The following SARS2 variants were observed in gnomAD, a reference collection of about 807,000 sequenced individuals.
The protein encoded by SARS2 is serine--tRNA ligase, mitochondrial.
SARS2 carries 52 observed loss-of-function variants against 66.8 expected under a neutral mutation model. The ratio of observed to expected loss-of-function variants is 0.78; its 90% CI spans 0.62 to 0.98. SARS2 has a LOEUF of 0.98. SARS2 is among the 50% of genes least tolerant of loss of function. The pLI is 0.00. For missense variants in SARS2, 673 were observed against 706.3 expected (o/e 0.95, Z 0.53); for synonymous variants, 306 against 281.4 (o/e 1.09, Z -0.87).
intron 5 of SARS2, among the ~76,000 whole-genome samples, chr19:38,920,497 T>C (rs1974501155): frequency 6.6e-6 from 1 of 151,116 alleles, no homozygotes; most frequent in Non-Finnish European, 1.5e-5. Context: ...GGCACAGAGT[T>C]GGGGAGAAAA....
At chr19:38,922,718 T>C (rs1974559706) in intron 2 of SARS2, among the ~76,000 whole-genome samples, 1 of 152,148 alleles carries the variant, frequency 6.6e-6, no homozygotes. Flanking sequence ...TAGTGAGTTC[T>C]CACGAGATCT....
intron 8 of SARS2, 41 bp from the exon 9 acceptor site, chr19:38,918,571 A>G: frequency 2.0e-6 from 3 of 1,514,662 alleles, no homozygotes; most frequent in Non-Finnish European, 2.8e-6. Flanking sequence ...GGGGACAGGT[A>G]ACCCTGGCCT....
At chr19:38,918,894 G>A in intron 7 of SARS2, 81 bp from the exon 8 acceptor site, 4 of 1,404,682 alleles carry the variant, frequency 2.8e-6, no homozygotes, top group Non-Finnish European at 3.9e-6. Context: ...GGGTGCTGCA[G>A]AGCCCCTTCC....
In SARS2 at chr19:38,916,303, A is replaced by G. The variant is rs1974416855; in HGVS notation, c.1172T>C (p.Met391Thr). The change falls in exon 13 of 16, where the codon ATG becomes ACG. Residue 391 changes from methionine to threonine, a missense_variant. Met to Thr is a moderately conservative substitution (Grantham distance 81). Transcript: ENST00000221431. The part of the protein sequence containing the change: ...ELGLHFRVLD[M>T]PTQELGLPAY... Reference sequence around the variant, plus strand: ...GGGGAGGCCCAGTTCTTGGGTGGGCATATCCAGGACCCTGCGGTCAAGGAC... The same window carrying G: ...GGGGAGGCCCAGTTCTTGGGTGGGCGTATCCAGGACCCTGCGGTCAAGGAC... 6.2e-7 allele frequency: 1 copy of G among 1,614,054 alleles called. No homozygotes were observed. The highest frequency in any genetic ancestry group is 8.5e-7 in the Non-Finnish European group (1 of 1,179,926).
rs149995710 is a variant in SARS2, at chr19:38,925,944, G to C, written c.363+261C>G. 4.3e-3 allele frequency among the ~76,000 whole-genome samples: 650 copies of C among 152,258 alleles called. 3 individuals carry two copies. Among genetic ancestry groups the C allele is most frequent in the African/African-American group, 0.015 (615 of 41,532 alleles). On this transcript the variant is annotated intron_variant, in intron 2 of 15. Coordinates refer to ENST00000221431, the MANE Select transcript of SARS2 (RefSeq NM_017827.4). ...CGATTCTCCTGCCTCAGCCTCCCAA[G>C]TACCTGGGATTACAGGTGTCCACCG...
At position 38,919,819 on chromosome 19, in the gene SARS2, A is replaced by T. The variant is rs770740259; in HGVS notation, c.702T>A (p.Ala234=). 1 of 1,614,200 alleles carries T rather than the reference A, an allele frequency of 6.2e-7. No individual in the cohort carries two copies. Among genetic ancestry groups the T allele is most frequent in the Non-Finnish European group, 8.5e-7 (1 of 1,180,036 alleles). The part of the protein sequence containing the change: ...SGHRSYYLRG[A]GALLQHGLVN... ...CCAGGCCGTGCTGCAGGAGGGCTCC[A>T]GCCCCGCGCAGGTAATAGGACCGGT... Residue 234 remains alanine (A), a synonymous_variant, in exon 7 of 16, where the codon GCT becomes GCA. Transcript: ENST00000221431.
At chr19:38,921,925 C>G in intron 3 of SARS2, 2 of 1,513,436 alleles carry the variant, frequency 1.3e-6, no homozygotes, top group East Asian at 2.5e-5. Flanking sequence ...CTGATGTCAG[C>G]TGAACTCATG....
intron 1 of SARS2, 119 bp downstream of exon 1, chr19:38,930,351 A>T (rs1974712293): frequency 7.5e-7 from 1 of 1,339,344 alleles, no homozygotes; most frequent in Non-Finnish European, 1.0e-6. Flanking sequence ...ACGTTGGCTA[A>T]CTTGGGAAAT....
rs946906198 is a variant in SARS2, at chr19:38,930,657, T to C, written c.80A>G (p.Asn27Ser). The part of the protein sequence containing the change: ...GFRPRGGCIS[N>S]DSPRRSFTTE... ...AGTGAAACTTCTCCTTGGACTATCG[T>C]TGGAGATGCAGCCTCCCCGGGGCCG... The change falls in exon 1 of 16, where the codon AAC (asparagine) becomes AGC (serine). Residue 27 changes from asparagine to serine, a missense_variant. Transcript: ENST00000221431. The C allele has an allele frequency of 7.4e-6, 12 of 1,614,048 alleles. No homozygotes were observed. Among genetic ancestry groups the C allele is most frequent in the East Asian group, 4.5e-5 (2 of 44,868 alleles).
At chr19:38,917,680 T>TTACCAGGCCCCCC in intron 12 of SARS2, 44 bp downstream of exon 12, 1 of 616,934 alleles carries the variant, frequency 1.6e-6, no homozygotes. Context: ...GTCCCTCCCC[T>TTACCAGGCCCCCC]ACCCCACCCC....
chr19:38,916,662 C>T (rs934607193), intron 12 of SARS2, among the ~76,000 whole-genome samples: 12 of 115,826 alleles, frequency 1.0e-4, no homozygotes, highest in African/African-American at 5.2e-4. Flanking sequence ...TAGGCACCCT[C>T]GGTTTTTTTT....
At chr19:38,927,937 G>A (rs1276949770) in intron 1 of SARS2, among the ~76,000 whole-genome samples, 2 of 152,172 alleles carry the variant, frequency 1.3e-5, no homozygotes, top group African/African-American at 4.8e-5. Flanking sequence ...GGAGGCCAAG[G>A]CAGGAGAATT....
chr19:38,920,668 GAC>G (rs375640839), intron 5 of SARS2, among the ~76,000 whole-genome samples: 36 of 150,500 alleles, frequency 2.4e-4, no homozygotes, highest in African/African-American at 8.4e-4. Context: ...GACACGCAGA[GAC>G]AGACACACAG....
chr19:38,918,429 C>T lies in SARS2; in HGVS notation c.909G>A (p.Gly303=), dbSNP rs761081540. ...DLNLAGTAEV[G]LAGYFMDHTV... ...ACCCACACAGGTCCTCACCTGCAAG[C>T]CCCACCTCCGCTGTTCCAGCCAGGT... is the stretch of plus-strand genomic sequence containing the variant. The change falls in exon 9 of 16, where the codon GGG becomes GGA. Residue 303 remains glycine (G), a synonymous_variant. Transcript: ENST00000221431. The T allele has an allele frequency of 6.2e-7, 1 of 1,613,738 alleles. No individual in the cohort carries two copies. The highest frequency in any genetic ancestry group is 1.7e-5 in the Admixed American group (1 of 60,038).
chr19:38,921,237 G>A (rs1182873753), intron 5 of SARS2, among the ~76,000 whole-genome samples, 155 bp downstream of exon 5: 1 of 152,196 alleles, frequency 6.6e-6, no homozygotes, highest in Non-Finnish European at 1.5e-5. Flanking sequence ...GACAGCTCGA[G>A]CTCGGCCAAG....
In SARS2 at chr19:38,920,131, C is replaced by T. The variant is rs371017861; in HGVS notation, c.608G>A (p.Arg203Gln). 9.6e-6 allele frequency: 15 copies of T among 1,560,888 alleles called. No individual in the cohort carries two copies. In the Admixed American group the frequency reaches 9.6e-5, roughly 10 times the overall value. ...TTTCTCGCCAATTTCCAGGTGGCCC[C>T]GAGGTTGGAAGGAGAAAACTGGATG... ...GDKPVFSFQP[R>Q]GHLEIGEKLD... Residue 203 changes from arginine (R) to glutamine (Q), a missense_variant, in exon 6 of 16, where the codon CGG (arginine) becomes CAG (glutamine). By Grantham distance (43) the Arg-to-Gln change is conservative. Transcript: ENST00000221431.
intron 7 of SARS2, among the ~76,000 whole-genome samples, chr19:38,919,292 A>C (rs1256258114): frequency 2.6e-5 from 4 of 152,292 alleles, no homozygotes; most frequent in African/African-American, 7.2e-5. Context: ...GTCTCAAAAA[A>C]CAAAAAAGTA....
rs755314317 is a variant in SARS2 at position 38,920,932 on chromosome 19, CACAT to C, written c.589+456_589+459del. Among the ~76,000 whole-genome samples, 702 of 118,062 alleles carry C rather than the reference CACAT, an allele frequency of 5.9e-3. 3 individuals are homozygous for C. Among genetic ancestry groups the C allele is most frequent in the African/African-American group, 0.023 (643 of 27,952 alleles). 77.5% of individuals were successfully genotyped at this position (118,062 alleles called of 152,430 possible). On this transcript the variant is annotated intron_variant, in intron 5 of 15. Coordinates refer to ENST00000221431, the MANE Select transcript of SARS2 (RefSeq NM_017827.4). ...ATATACACACACAGAGATAGACACACACATAGACACACACACACAGACACAGACA... is the reference window on the plus strand; with the variant it reads ...ATATACACACACAGAGATAGACACACAGACACACACACACAGACACAGACA...
rs142759754 is a variant in SARS2 at position 38,921,471 on chromosome 19, G to A, written c.535-25C>T. ...GCTGCAGGGAGACAGCAGGAGTCAC[G>A]GAAAGGTGGCACTAGGTGGGCCCCT... On this transcript the variant is annotated intron_variant, in intron 4 of 15. Coordinates refer to ENST00000221431, the MANE Select transcript of SARS2 (RefSeq NM_017827.4). The A allele has an allele frequency of 1.5e-3, 2,465 of 1,614,142 alleles. 9 individuals are homozygous for A. The highest frequency in any genetic ancestry group is 0.013 in the East Asian group (579 of 44,882).
Sources: allele counts gnomAD v4.1 joint callset (sites outside exome capture counted in the v4.1 genomes callset), GRCh38; gene constraint gnomAD v4.1.1; transcripts MANE v1.5; gene names NCBI Gene and HGNC (gene_info 2026-07-23, HGNC 2026-07-21).